Variants in SGCG observed in about 807,000 individuals in gnomAD.
SGCG encodes gamma-sarcoglycan.
SGCG carries 26 observed loss-of-function variants against 29.3 expected under a neutral mutation model. That is an observed-to-expected ratio of 0.89 (90% confidence interval 0.65 to 1.23). SGCG has a LOEUF of 1.23. Ranked by LOEUF, SGCG falls within the 50% of genes most tolerant of loss-of-function variation. SGCG has a pLI of 0.00. For synonymous variants in SGCG, 145 were observed against 129.7 expected, an observed-to-expected ratio of 1.12 and a Z score of -0.80; for missense variants, 353 against 356.0, an observed-to-expected ratio of 0.99 and a Z score of 0.07.
chr13:23,248,358 A>G (rs1879803578), intron 3 of SGCG, among the ~76,000 whole-genome samples: 1 of 152,134 alleles, frequency 6.6e-6, no homozygotes, highest in Non-Finnish European at 1.5e-5. Context: ...AGGAAAAGGA[A>G]TGAGCATTGT....
chr13:23,258,864 T>C (rs190424277), intron 4 of SGCG, among the ~76,000 whole-genome samples: 52 of 152,350 alleles, frequency 3.4e-4, no homozygotes, highest in African/African-American at 1.2e-3. Context: ...GATTTGCATA[T>C]GTTGAACCAA....
At chr13:23,167,367 T>C in the SGCG span, among the ~76,000 whole-genome samples, 83 of 152,302 alleles carry the variant, frequency 5.4e-4, 1 homozygote, top group African/African-American at 1.9e-3. Flanking sequence ...ACAACAAACA[T>C]GGGAGTGCAG....
At chr13:23,292,613 G>A (rs562133552) in intron 5 of SGCG, among the ~76,000 whole-genome samples, 26 of 152,292 alleles carry the variant, frequency 1.7e-4, no homozygotes, top group Admixed American at 1.3e-3. Context: ...ACAAGGGTAT[G>A]TGTTATAGAA....
intron 6 of SGCG, among the ~76,000 whole-genome samples, chr13:23,300,010 T>G (rs1882090223): frequency 6.6e-6 from 1 of 152,184 alleles, no homozygotes; most frequent in Non-Finnish European, 1.5e-5. Context: ...GTACAACTTC[T>G]ATTGGAGGCA....
At chr13:23,236,077 T>C (rs1489672377) in intron 3 of SGCG, among the ~76,000 whole-genome samples, 1 of 152,192 alleles carries the variant, frequency 6.6e-6, no homozygotes, top group Non-Finnish European at 1.5e-5. Flanking sequence ...GAAGATGACC[T>C]GCAGTATAAT....
At chr13:23,223,005 A>G (rs548006548) in intron 2 of SGCG, among the ~76,000 whole-genome samples, 76 of 152,094 alleles carry the variant, frequency 5.0e-4, no homozygotes, top group Non-Finnish European at 8.7e-4. Context: ...TAGGCTGGGC[A>G]CAGTGGCTCA....
chr13:23,304,292 A>G (rs1882281965), intron 6 of SGCG, among the ~76,000 whole-genome samples: 1 of 152,058 alleles, frequency 6.6e-6, no homozygotes, highest in Non-Finnish European at 1.5e-5. Context: ...TGAATTTAAC[A>G]TGTTTCTTGC....
intron 1 of SGCG, among the ~76,000 whole-genome samples, chr13:23,201,331 A>C (rs1877747991): frequency 6.6e-6 from 1 of 150,630 alleles, no homozygotes; most frequent in Non-Finnish European, 1.5e-5. Flanking sequence ...TTCGTGTTCT[A>C]ATAACCCCTG....
intron 1 of SGCG, among the ~76,000 whole-genome samples, chr13:23,195,048 A>G (rs562795453): frequency 6.6e-6 from 1 of 152,312 alleles, no homozygotes; most frequent in Non-Finnish European, 1.5e-5. Context: ...GTGAGCACTA[A>G]GTCAGAGATT....
chr13:23,207,265 A>G (rs1394547022), intron 2 of SGCG, among the ~76,000 whole-genome samples: 1 of 152,214 alleles, frequency 6.6e-6, no homozygotes, highest in Non-Finnish European at 1.5e-5. Context: ...GGATTTTCAC[A>G]TGCAAAAGAA....
Position 23,219,892 on chromosome 13 carries a change from G to A in SGCG, c.196-14719G>A, listed in dbSNP as rs151261998. 1.5e-3 allele frequency among the ~76,000 whole-genome samples: 213 copies of A among 139,654 alleles called. 1 individual carries two copies. The highest frequency in any genetic ancestry group is 4.8e-3 in the African/African-American group (183 of 37,810). 91.6% of individuals were successfully genotyped at this position (139,654 alleles called of 152,430 possible). A position where few individuals can be genotyped will look rare whatever the true frequency, so the allele number is the denominator to read the frequency against. ...TGTCGCCCAGGCTGGATGGAGTGCAGTGGCGCCATCTCGGCTCACTGCAAG... is the reference window on the plus strand; with the variant it reads ...TGTCGCCCAGGCTGGATGGAGTGCAATGGCGCCATCTCGGCTCACTGCAAG... On this transcript the variant is annotated intron_variant, in intron 2 of 7. Transcript: ENST00000218867.
At chr13:23,202,413 T>C (rs1877802775) in intron 1 of SGCG, among the ~76,000 whole-genome samples, 1 of 152,138 alleles carries the variant, frequency 6.6e-6, no homozygotes, top group South Asian at 2.1e-4. Context: ...TGTAGAGATG[T>C]AGACAGATTT....
chr13:23,307,261 C>T (rs1311206095), intron 6 of SGCG, among the ~76,000 whole-genome samples: 1 of 152,120 alleles, frequency 6.6e-6, no homozygotes, highest in Non-Finnish European at 1.5e-5. Context: ...TTAATCATAG[C>T]CATCTTATCT....
At chr13:23,199,989 T>C (rs1481277018) in intron 1 of SGCG, among the ~76,000 whole-genome samples, 1 of 152,192 alleles carries the variant, frequency 6.6e-6, no homozygotes, top group Non-Finnish European at 1.5e-5. Flanking sequence ...TGCTGAGTCT[T>C]CTTCTGAGTC....
the SGCG span, among the ~76,000 whole-genome samples, chr13:23,163,461 A>G: frequency 6.6e-6 from 1 of 152,210 alleles, no homozygotes; most frequent in African/African-American, 2.4e-5. Flanking sequence ...CAATTAGGTT[A>G]ATACCTAATT....
At chr13:23,277,544 A>C (rs1258838235) in intron 4 of SGCG, among the ~76,000 whole-genome samples, 1 of 152,158 alleles carries the variant, frequency 6.6e-6, no homozygotes, top group Admixed American at 6.5e-5. Flanking sequence ...AATTAAGAAC[A>C]CTTGGATGAC....
intron 4 of SGCG, among the ~76,000 whole-genome samples, chr13:23,266,776 T>A (rs1880657811): frequency 6.6e-6 from 1 of 152,222 alleles, no homozygotes; most frequent in Non-Finnish European, 1.5e-5. Context: ...TGCCATAAGA[T>A]ATACCTGCTC....
At chr13:23,221,106 A>G (rs1878640248) in intron 2 of SGCG, among the ~76,000 whole-genome samples, 1 of 152,220 alleles carries the variant, frequency 6.6e-6, no homozygotes. Context: ...AAGGAAAAGA[A>G]TTTTATAAAC....
intron 4 of SGCG, among the ~76,000 whole-genome samples, chr13:23,255,128 C>T (rs905516814): frequency 3.9e-5 from 6 of 152,164 alleles, no homozygotes; most frequent in African/African-American, 1.4e-4. Flanking sequence ...CTCCAGACCC[C>T]AGAATCGTCG....
Sources: gnomAD v4.1 joint callset for allele counts (sites outside exome capture counted in the v4.1 genomes callset) on GRCh38, gnomAD v4.1.1 for gene constraint, MANE v1.5 for transcripts, NCBI Gene and HGNC (gene_info 2026-07-23, HGNC 2026-07-21) for gene names.